Variants in PAPLN observed in about 807,000 individuals in gnomAD.
PAPLN encodes papilin, proteoglycan like sulfated glycoprotein, also known as papilin.
A neutral mutation model predicts 159.0 loss-of-function variants in PAPLN; 146 were observed. The ratio of observed to expected loss-of-function variants is 0.92; its 90% CI spans 0.80 to 1.05. The LOEUF is 1.05. Ranked by LOEUF, PAPLN falls within the 50% of genes least tolerant of loss-of-function variation. PAPLN has a pLI of 0.00. For synonymous variants in PAPLN, 734 were observed against 702.9 expected, an observed-to-expected ratio of 1.04 and a Z score of -0.70; for missense variants, 1,720 against 1,743.9, an observed-to-expected ratio of 0.99 and a Z score of 0.24.
Position 73,264,281 on chromosome 14 carries a change from T to C in PAPLN, c.2932T>C (p.Cys978Arg). The stretch of plus-strand genomic sequence containing the variant: ...GGCAGAGGACGCGGGCACCTACAGC[T>C]GTGGCAGCACCCGGCCAGGCCGCGA... Reference protein sequence around the residue: ...LQAEDAGTYSCGSTRPGRDSQ... With the variant: ...LQAEDAGTYSRGSTRPGRDSQ... Residue 978 changes from cysteine (C) to arginine (R), a missense_variant, in exon 21 of 27, where the codon TGT becomes CGT. Transcript: ENST00000644200. 6.2e-7 allele frequency: 1 copy of C among 1,613,956 alleles called. No homozygotes were observed.
Position 73,245,488 on chromosome 14 carries a change from G to A in PAPLN, c.171-148G>A. ...CATGGGTCGCTCACTCCCACCTGGG[G>A]GATTTACGGGGTGGGGTCGGGGGAC... On this transcript the variant is annotated intron_variant, in intron 3 of 26. Transcript: ENST00000644200. The surrounding 1 kb of genome is among the most constrained non-coding windows in gnomAD (Gnocchi z 4.2). 1.2e-6 allele frequency: 1 copy of A among 817,872 alleles called. No homozygotes were observed. The highest frequency in any genetic ancestry group is 1.9e-6 in the Non-Finnish European group (1 of 527,982). The allele number at this position is 817,872 out of a possible 1,614,324, so 50.7% of individuals were successfully genotyped here.
At chr14:73,253,694 C>A in intron 11 of PAPLN, 60 bp from the exon 12 acceptor site, 1 of 1,469,896 alleles carries the variant, frequency 6.8e-7, no homozygotes, top group Non-Finnish European at 9.2e-7. Flanking sequence ...CAGAAACCCT[C>A]AGGGCTGGGT....
chr14:73,261,282 C>G lies in PAPLN; in HGVS notation c.2233C>G (p.Gln745Glu), dbSNP rs868789019. 6.2e-7 allele frequency: 1 copy of G among 1,613,756 alleles called. No individual in the cohort carries two copies. The highest frequency in any genetic ancestry group is 2.2e-5 in the East Asian group (1 of 44,886). ...TCCTCTTGGGGAAGGCTGTGTGGGC[C>G]AGCCCAGCCATGGTGAGTGGACACC... The part of the protein sequence containing the change: ...AGPLGEGCVG[Q>E]PSHAYPVRCL... The change falls in exon 18 of 27, where the codon CAG becomes GAG. Residue 745 changes from glutamine (Q) to glutamate (E), a missense_variant. Transcript: ENST00000644200.
chr14:73,244,392 C>T (rs1883952306), intron 2 of PAPLN: 1 of 430,336 alleles, frequency 2.3e-6, no homozygotes. Context: ...ACTCCAAACT[C>T]TTCCCAGCTG....
chr14:73,240,317 A>C (rs1883402547), intron 2 of PAPLN, among the ~76,000 whole-genome samples: 1 of 152,182 alleles, frequency 6.6e-6, no homozygotes, highest in Non-Finnish European at 1.5e-5. Flanking sequence ...CTGAGATGGC[A>C]GAAATGTCCT....
At chr14:73,247,779 A>G (rs1884632856) in intron 5 of PAPLN, among the ~76,000 whole-genome samples, 1 of 104,164 alleles carries the variant, frequency 9.6e-6, no homozygotes, top group Admixed American at 1.2e-4. Context: ...GGCGTGGCCC[A>G]GTGGGAGTCT....
intron 2 of PAPLN, among the ~76,000 whole-genome samples, chr14:73,242,302 C>A (rs1262192480): frequency 1.3e-5 from 2 of 152,228 alleles, no homozygotes; most frequent in Non-Finnish European, 2.9e-5. Flanking sequence ...CCTGCCTTAT[C>A]CTGATGGCCA....
In PAPLN at chr14:73,274,441, G is replaced by A. The variant is rs1316956598; in HGVS notation, c.*1777G>A. ...TATTACCAACACACTGGCTGGAAAA[G>A]GGACAAACCACATCACGGGTGAGTG... On this transcript the variant is annotated 3_prime_UTR_variant, in exon 27 of 27. Coordinates refer to ENST00000644200, the MANE Select transcript of PAPLN (RefSeq NM_001365906.3). The A allele has an allele frequency of 6.6e-6, 1 of 152,208 alleles. No homozygotes were observed. The highest frequency in any genetic ancestry group is 1.5e-5 in the Non-Finnish European group (1 of 68,054). The allele number at this position is 152,208 out of a possible 1,614,324, so 9.4% of individuals were successfully genotyped here. A position where few individuals can be genotyped will look rare whatever the true frequency, so the allele number is the denominator to read the frequency against.
At chr14:73,248,147 C>T (rs111799894) in intron 5 of PAPLN, among the ~76,000 whole-genome samples, 6,546 of 122,150 alleles carry the variant, frequency 0.054, 366 homozygotes, top group Middle Eastern at 0.16. Context: ...GTGGGCATGG[C>T]CCAGTGGGAG....
Position 73,265,846 on chromosome 14 carries a change from A to G in PAPLN, c.3263+339A>G, listed in dbSNP as rs1008465361. 1.3e-5 allele frequency among the ~76,000 whole-genome samples: 2 copies of G among 152,212 alleles called. No homozygotes were observed. The highest frequency in any genetic ancestry group is 1.3e-4 in the Admixed American group (2 of 15,286). On this transcript the variant is annotated intron_variant, in intron 23 of 26. Transcript: ENST00000644200. This position sits in a 1 kb window ranked among gnomAD's most constrained non-coding sequence, Gnocchi z 4.1. Reference sequence around the variant, plus strand: ...GCACTGAGTATGAGGCTTGTGCTCTATCACGTGACCTGCAAAAAAGCCATA... The same window carrying G: ...GCACTGAGTATGAGGCTTGTGCTCTGTCACGTGACCTGCAAAAAAGCCATA...
At position 73,268,608 on chromosome 14, in the gene PAPLN, T is replaced by C. The variant is rs576421778; in HGVS notation, c.3552T>C (p.Asp1184=). ...ADGHRVHQSP[D]GTLLIYNLRA... is the part of the protein sequence containing the mutation. ...GCCACCGTGTCCACCAGTCCCCAGA[T>C]GGCACGCTGCTCATTTACAACTTGC... The change falls in exon 26 of 27, where the codon GAT becomes GAC. Residue 1184 remains aspartate, a synonymous_variant. Coordinates refer to ENST00000644200, the MANE Select transcript of PAPLN (RefSeq NM_001365906.3). The C allele has an allele frequency of 4.3e-6, 7 of 1,613,990 alleles. No homozygotes were observed. The highest frequency in any genetic ancestry group is 1.3e-5 in the African/African-American group (1 of 75,030).
intron 18 of PAPLN, among the ~76,000 whole-genome samples, chr14:73,261,587 G>C (rs996750967): frequency 1.3e-5 from 2 of 152,244 alleles, no homozygotes; most frequent in African/African-American, 4.8e-5. Context: ...CCCCTTCTGA[G>C]GCAGAGCCAG....
At position 73,272,731 on chromosome 14, in the gene PAPLN, T is replaced by C; in HGVS notation, c.*67T>C. 3 of 1,389,964 alleles carry C rather than the reference T, an allele frequency of 2.2e-6. No homozygotes were observed. Among genetic ancestry groups the C allele is most frequent in the Non-Finnish European group, 2.9e-6 (3 of 1,051,028 alleles). The allele number at this position is 1,389,964 out of a possible 1,614,324, so 86.1% of individuals were successfully genotyped here. On this transcript the variant is annotated 3_prime_UTR_variant, in exon 27 of 27. Transcript: ENST00000644200. ...GGGCTAGGGAGAAAGGAAGATGGAC[T>C]CTTGGCTTCCTCTCTCTGGCTGGCA...
Position 73,245,102 on chromosome 14 carries a change from T to A in PAPLN, c.170+343T>A, listed in dbSNP as rs1440140229. 4.2e-6 allele frequency: 1 copy of A among 235,360 alleles called. No individual in the cohort carries two copies. The highest frequency in any genetic ancestry group is 1.1e-4 in the East Asian group (1 of 9,140). 14.6% of individuals were successfully genotyped at this position (235,360 alleles called of 1,614,324 possible). A position where few individuals can be genotyped will look rare whatever the true frequency, so the allele number is the denominator to read the frequency against. On this transcript the variant is annotated intron_variant, in intron 3 of 26. Transcript: ENST00000644200. This position sits in a 1 kb window ranked among gnomAD's most constrained non-coding sequence, Gnocchi z 4.2. ...CAATTCCTGTGGTTTCTTTACCGAG[T>A]ACAGATGTTCCCCACTTCAAGCGAT...
Position 73,246,157 on chromosome 14 carries a change from T to C in PAPLN, c.316T>C (p.Trp106Arg). 1 of 1,589,790 alleles carries C rather than the reference T, an allele frequency of 6.3e-7. No individual in the cohort carries two copies. The highest frequency in any genetic ancestry group is 8.5e-7 in the Non-Finnish European group (1 of 1,170,966). Residue 106 changes from tryptophan to arginine, a missense_variant, in exon 5 of 27, where the codon TGG becomes CGG. Physicochemically the swap from Trp to Arg is moderately radical, Grantham distance 101. Coordinates refer to ENST00000644200, the MANE Select transcript of PAPLN (RefSeq NM_001365906.3). ...GGAGTTCCAGGGGCGGCGGTATCGG[T>C]GGCTGCCCTACTACAGCGGTGAGCG... The part of the protein sequence containing the change: ...GAEFQGRRYR[W>R]LPYYSAPNKC...
intron 2 of PAPLN, chr14:73,244,106 C>T (rs1879647127): frequency 6.3e-6 from 1 of 158,220 alleles, no homozygotes; most frequent in East Asian, 1.9e-4. Context: ...CCACAGTTAG[C>T]TGCAGGCAGT....
In PAPLN at chr14:73,239,772, G is replaced by C; in HGVS notation, c.-6-1G>C. On this transcript the variant is annotated splice_acceptor_variant, in intron 1 of 26. Transcript: ENST00000644200. LOFTEE classifies it low-confidence loss of function (5UTR_SPLICE). Reference sequence around the variant, plus strand: ...GCTCTAACCCAATGCGTCTCCCGCAGGCTGAGATGCGGCTGCTCCTGCTCG... The same window carrying C: ...GCTCTAACCCAATGCGTCTCCCGCACGCTGAGATGCGGCTGCTCCTGCTCG... The C allele has an allele frequency of 6.3e-7, 1 of 1,590,828 alleles. No homozygotes were observed. The highest frequency in any genetic ancestry group is 2.2e-5 in the East Asian group (1 of 44,450).
intron 2 of PAPLN, among the ~76,000 whole-genome samples, chr14:73,241,004 T>C (rs1821632161): frequency 6.8e-6 from 1 of 147,038 alleles, no homozygotes. Context: ...TTTTCTGCCA[T>C]GGGGAGGTCG....
At chr14:73,256,703 C>CA (rs1159903440) in intron 14 of PAPLN, among the ~76,000 whole-genome samples, 1 of 151,824 alleles carries the variant, frequency 6.6e-6, no homozygotes, top group African/African-American at 2.4e-5. Context: ...ACCAACATGG[C>CA]AAAACCCCTT....
Sources: gnomAD v4.1 joint callset for allele counts (sites outside exome capture counted in the v4.1 genomes callset) on GRCh38, gnomAD v4.1.1 for gene constraint, Gnocchi (gnomAD v3.1) non-coding constraint, MANE v1.5 for transcripts, NCBI Gene and HGNC (gene_info 2026-07-23, HGNC 2026-07-21) for gene names.